PSMD5: variants seen among roughly 807,000 people sequenced by gnomAD.
PSMD5 encodes 26S proteasome non-ATPase regulatory subunit 5.
In PSMD5, 40 loss-of-function variants were observed where a neutral mutation model predicts 52.1. The ratio of observed to expected loss-of-function variants is 0.77; its 90% CI spans 0.60 to 1.00. PSMD5 has a LOEUF of 1.00. Among genes scored for constraint, PSMD5 ranks in the 50% least tolerant of loss-of-function variants. The probability of loss-of-function intolerance (pLI) is 0.00; values close to 1 mark genes in which losing one functional copy is unlikely to be tolerated. For missense variants in PSMD5, 575 were observed against 605.2 expected (o/e 0.95, Z 0.52); for synonymous variants, 211 against 226.6 (o/e 0.93, Z 0.62).
At chr9:120,834,856 G>A (rs2131433373) in intron 1 of PSMD5, among the ~76,000 whole-genome samples, 1 of 152,334 alleles carries the variant, frequency 6.6e-6, no homozygotes, top group Admixed American at 6.5e-5. Flanking sequence ...AGTAAACCAG[G>A]GGAGCAGCAG....
intron 1 of PSMD5, among the ~76,000 whole-genome samples, chr9:120,836,346 T>C (rs1007787781): frequency 2.6e-5 from 4 of 152,138 alleles, no homozygotes; most frequent in African/African-American, 9.7e-5. Context: ...TTAATTTGTA[T>C]TTCCCTATTT....
Position 120,826,895 on chromosome 9 carries a change from T to A in PSMD5, c.684A>T (p.Ile228=). The change falls in exon 6 of 10, where the codon ATA becomes ATT. Residue 228 remains isoleucine, a synonymous_variant. Transcript: ENST00000210313. ...TATATGCCAGTGATGTCACCATTTCTATACAGGTGGCTCTAAAATGTCAGA... is the reference window on the plus strand; with the variant it reads ...TATATGCCAGTGATGTCACCATTTCAATACAGGTGGCTCTAAAATGTCAGA... The part of the protein sequence containing the change: ...GEDVLVRATC[I]EMVTSLAYTH... 6.2e-7 allele frequency: 1 copy of A among 1,610,468 alleles called. No individual in the cohort carries two copies. Among genetic ancestry groups the A allele is most frequent in the East Asian group, 2.2e-5 (1 of 44,750 alleles).
intron 9 of PSMD5, among the ~76,000 whole-genome samples, chr9:120,819,572 C>T (rs1020074413): frequency 7.2e-5 from 11 of 152,214 alleles, no homozygotes; most frequent in South Asian, 6.2e-4. Context: ...CGGTGGCTCA[C>T]GCCTGTAATC....
At chr9:120,841,086 T>TA (rs1328616895) in intron 1 of PSMD5, among the ~76,000 whole-genome samples, 3 of 152,102 alleles carry the variant, frequency 2.0e-5, no homozygotes, top group African/African-American at 7.2e-5. Flanking sequence ...TACGGATGTG[T>TA]AAAAAATCAA....
At chr9:120,822,735 C>A (rs1199472250) in intron 7 of PSMD5, among the ~76,000 whole-genome samples, 1 of 152,088 alleles carries the variant, frequency 6.6e-6, no homozygotes, top group Admixed American at 6.6e-5. Flanking sequence ...CCATGTTGGC[C>A]AGGCTGGTCT....
chr9:120,842,312 CA>C (rs746612210), intron 1 of PSMD5: 4 of 170,854 alleles, frequency 2.3e-5, no homozygotes, highest in Non-Finnish European at 5.0e-5. Flanking sequence ...ATTTTTTTAA[CA>C]AGAATGACTG....
At position 120,824,670 on chromosome 9, in the gene PSMD5, A is replaced by T. The variant is rs1212051184; in HGVS notation, c.830T>A (p.Phe277Tyr). ...SFYLPGFVKF[F>Y]GNLAVMDSPQ... ...ACTATCCATGACAGCCAGGTTTCCA[A>T]AAAACTTCACGAATCCTAAAGAGAT... is the stretch of plus-strand genomic sequence containing the variant. The change falls in exon 7 of 10, where the codon TTT becomes TAT. Residue 277 changes from phenylalanine to tyrosine, a missense_variant. Coordinates refer to ENST00000210313, the MANE Select transcript of PSMD5 (RefSeq NM_005047.4). 4.4e-6 allele frequency: 7 copies of T among 1,598,088 alleles called. No individual in the cohort carries two copies. Among genetic ancestry groups the T allele is most frequent in the Non-Finnish European group, 6.0e-6 (7 of 1,174,968 alleles).
chr9:120,832,088 C>T (rs2045165361), intron 2 of PSMD5, 143 bp from the exon 3 acceptor site: 1 of 1,360,946 alleles, frequency 7.3e-7, no homozygotes, highest in Non-Finnish European at 9.6e-7. Context: ...ATCAAAATGA[C>T]CTAAATTCAT....
chr9:120,821,116 T>C lies in PSMD5; in HGVS notation c.1117-137A>G, dbSNP rs2045081309. On this transcript the variant is annotated intron_variant, in intron 8 of 9. Transcript: ENST00000210313. The stretch of plus-strand genomic sequence containing the variant: ...GTGAAACTGGCTAAGTCTGGAGGAC[T>C]CTTTCTCAAATCCAGCCCAGACCTT... 4 of 1,077,080 alleles carry C rather than the reference T, an allele frequency of 3.7e-6. No individual in the cohort carries two copies. In the East Asian group the frequency reaches 1.0e-4, roughly 27 times the overall value. 66.7% of individuals were successfully genotyped at this position (1,077,080 alleles called of 1,614,324 possible). A position where few individuals can be genotyped will look rare whatever the true frequency, so the allele number is the denominator to read the frequency against.
At chr9:120,835,703 T>C (rs2045193380) in intron 1 of PSMD5, among the ~76,000 whole-genome samples, 3 of 151,084 alleles carry the variant, frequency 2.0e-5, no homozygotes, top group South Asian at 4.2e-4. Context: ...CACTCCAGCC[T>C]AGGCGACAAG....
chr9:120,825,730 G>A (rs566183119), intron 6 of PSMD5, among the ~76,000 whole-genome samples: 2 of 152,202 alleles, frequency 1.3e-5, no homozygotes, highest in East Asian at 1.9e-4. Context: ...CACTGTTAGT[G>A]TATAGAAATG....
At chr9:120,828,705 C>T (rs894626249) in intron 5 of PSMD5, among the ~76,000 whole-genome samples, 1 of 151,950 alleles carries the variant, frequency 6.6e-6, no homozygotes, top group Non-Finnish European at 1.5e-5. Flanking sequence ...GGATTACAGG[C>T]GTGAGCCACC....
rs1484006897 is a variant in PSMD5, at chr9:120,842,812, G to A, written c.98C>T (p.Pro33Leu). Residue 33 changes from proline (P) to leucine (L), a missense_variant, in exon 1 of 10, where the codon CCG becomes CTG. By Grantham distance (98) the Pro-to-Leu change is moderately conservative (BLOSUM62 -3). Transcript: ENST00000210313. Reference protein sequence around the residue: ...RALHSVLQAVPLNELRQQAAE... With the variant: ...RALHSVLQAVLLNELRQQAAE... ...CGCTTGCTGGCGAAGCTCGTTGAGC[G>A]GCACTGCCTGCAGCACGGAGTGAAG... 7 of 1,612,174 alleles carry A rather than the reference G, an allele frequency of 4.3e-6. No homozygotes were observed. The highest frequency in any genetic ancestry group is 2.2e-5 in the East Asian group (1 of 44,872).
intron 1 of PSMD5, chr9:120,842,434 G>A (rs1416785007): frequency 4.4e-6 from 2 of 451,840 alleles, no homozygotes; most frequent in Non-Finnish European, 7.9e-6. Context: ...GATGTGGAAT[G>A]CTCCTTGTAA....
Position 120,830,523 on chromosome 9 carries a change from G to A in PSMD5, c.561+808C>T, listed in dbSNP as rs1056307447. Among the ~76,000 whole-genome samples the A allele has an allele frequency of 5.3e-5, 8 of 152,268 alleles. No individual in the cohort carries two copies. The East Asian group carries it at 5.8e-4, about 11-fold the overall frequency. ...CAACTCCAACAATTAAAGATTCAAC[G>A]GAGGATAATGAGCCAGGAGGCTGAG... On this transcript the variant is annotated intron_variant, in intron 4 of 9. Coordinates refer to ENST00000210313, the MANE Select transcript of PSMD5 (RefSeq NM_005047.4).
At chr9:120,819,569 T>C (rs1010595969) in intron 9 of PSMD5, among the ~76,000 whole-genome samples, 3 of 152,218 alleles carry the variant, frequency 2.0e-5, no homozygotes, top group Admixed American at 2.0e-4. Context: ...GCGCGGTGGC[T>C]CACGCCTGTA....
intron 1 of PSMD5, among the ~76,000 whole-genome samples, chr9:120,838,506 C>A (rs2045213408): frequency 6.6e-6 from 1 of 152,206 alleles, no homozygotes; most frequent in Non-Finnish European, 1.5e-5. Context: ...CAACACACAA[C>A]AACTTATGTG....
At chr9:120,835,184 C>CT (rs2045189637) in intron 1 of PSMD5, among the ~76,000 whole-genome samples, 1 of 152,124 alleles carries the variant, frequency 6.6e-6, no homozygotes. Context: ...TTTCACAAAA[C>CT]TTGTACACAA....
intron 3 of PSMD5, 74 bp downstream of exon 3, chr9:120,831,758 T>G (rs1452048659): frequency 1.3e-6 from 2 of 1,541,960 alleles, no homozygotes; most frequent in Non-Finnish European, 1.7e-6. Flanking sequence ...ACCTCTCAAT[T>G]CAGAAGGCCT....
Sources: allele counts gnomAD v4.1 joint callset (sites outside exome capture counted in the v4.1 genomes callset), GRCh38; gene constraint gnomAD v4.1.1; transcripts MANE v1.5; gene names NCBI Gene and HGNC (gene_info 2026-07-23, HGNC 2026-07-21).